Variants in EML6 observed in about 807,000 individuals in gnomAD.
EML6 encodes echinoderm microtubule-associated protein-like 6.
EML6 carries 154 observed loss-of-function variants against 240.1 expected under a neutral mutation model. That is an observed-to-expected ratio of 0.64 (90% CI 0.56 to 0.73). The LOEUF (loss-of-function observed/expected upper bound fraction) is 0.73. Ranked by LOEUF, EML6 falls within the 30% of genes least tolerant of loss-of-function variation. EML6 has a pLI of 0.00. For synonymous variants in EML6, 1,148 were observed against 899.0 expected, an observed-to-expected ratio of 1.28 and a Z score of -4.95; for missense variants, 2,964 against 2,474.6, an observed-to-expected ratio of 1.20 and a Z score of -4.20.
rs1670574242 is a variant in EML6, at chr2:54,859,683, C to G, written c.1807C>G (p.Leu603Val). The change falls in exon 12 of 42, where the codon CTG becomes GTG. Residue 603 changes from leucine to valine, a missense_variant. Coordinates refer to ENST00000356458, the MANE Select transcript of EML6 (RefSeq NM_001039753.4). ...TCCAGAAGGTGTCAGCAACGGCATG[C>G]TGGAAACTGCACCCCAAGGTAAACC... The part of the protein sequence containing the change: ...FIPEGVSNGM[L>V]ETAPQEGGAD... 6.5e-7 allele frequency: 1 copy of G among 1,541,344 alleles called. No individual in the cohort carries two copies. The highest frequency in any genetic ancestry group is 8.7e-7 in the Non-Finnish European group (1 of 1,144,336).
intron 28 of EML6, among the ~76,000 whole-genome samples, chr2:54,935,829 T>C (rs1675106779): frequency 6.6e-6 from 1 of 152,150 alleles, no homozygotes; most frequent in African/African-American, 2.4e-5. Context: ...GGAGTTTAGA[T>C]GAGCCTGGGC....
At position 54,927,266 on chromosome 2, in the gene EML6, C is replaced by G. The variant is rs142800264; in HGVS notation, c.3676-1047C>G. On this transcript the variant is annotated intron_variant, in intron 26 of 41. Transcript: ENST00000356458. ...AGTAGTTGGCCAAATACAGGGCGAT[C>G]TTGACTAGGAGTATTACAAAGTCAC... 5.3e-4 allele frequency among the ~76,000 whole-genome samples: 81 copies of G among 152,310 alleles called. 1 individual carries two copies. Among genetic ancestry groups the G allele is most frequent in the African/African-American group, 1.9e-3 (79 of 41,568 alleles).
intron 2 of EML6, among the ~76,000 whole-genome samples, chr2:54,727,560 CCCGGTTACTACTATT>C (rs1252811254): frequency 6.6e-6 from 1 of 152,150 alleles, no homozygotes; most frequent in African/African-American, 2.4e-5. Context: ...TTCTGTGTAT[CCCGGTTACTACTATT>C]CTTCCACCTG....
In EML6 at chr2:54,943,593, A is replaced by T. The variant is rs183379146; in HGVS notation, c.4005-5289A>T. On this transcript the variant is annotated intron_variant, in intron 28 of 41. Coordinates refer to ENST00000356458, the MANE Select transcript of EML6 (RefSeq NM_001039753.4). ...CCTCTGTCCCTGCCATTCTGCTGAC[A>T]TGGGGGCTCTTTAACCCCTGAGTCC... 1.3e-3 allele frequency among the ~76,000 whole-genome samples: 196 copies of T among 152,108 alleles called. 1 individual carries two copies. Among genetic ancestry groups the T allele is most frequent in the African/African-American group, 4.4e-3 (184 of 41,486 alleles).
chr2:54,787,545 G>C (rs1279548701), intron 2 of EML6, among the ~76,000 whole-genome samples: 1 of 152,166 alleles, frequency 6.6e-6, no homozygotes, highest in African/African-American at 2.4e-5. Flanking sequence ...GATTGTTCTT[G>C]AGCATTAAAT....
intron 28 of EML6, among the ~76,000 whole-genome samples, chr2:54,931,415 C>A (rs971118287): frequency 6.6e-6 from 1 of 152,062 alleles, no homozygotes; most frequent in African/African-American, 2.4e-5. Flanking sequence ...AAACAGGACC[C>A]ATGGACTCTA....
chr2:54,807,760 G>T (rs1670574741), intron 2 of EML6, among the ~76,000 whole-genome samples: 1 of 152,188 alleles, frequency 6.6e-6, no homozygotes, highest in South Asian at 2.1e-4. Context: ...TTATGTAATT[G>T]TAAATCAATA....
At chr2:54,817,816 A>C (rs1340975394) in intron 4 of EML6, among the ~76,000 whole-genome samples, 1 of 152,098 alleles carries the variant, frequency 6.6e-6, no homozygotes, top group African/African-American at 2.4e-5. Context: ...AAAAAAAAAA[A>C]AGTATGAATG....
intron 26 of EML6, among the ~76,000 whole-genome samples, chr2:54,917,358 G>GTTTTTTTTTTT (rs147785699): frequency 8.1e-5 from 10 of 123,820 alleles, no homozygotes; most frequent in Non-Finnish European, 1.1e-4. Flanking sequence ...TTTTTTTTTT[G>GTTTTTTTTTTT]TTTTTTTTTT....
intron 18 of EML6, 27 bp from the exon 19 acceptor site, chr2:54,892,427 G>A: frequency 6.6e-7 from 1 of 1,504,918 alleles, no homozygotes; most frequent in Non-Finnish European, 9.0e-7. Flanking sequence ...ATTTTATAAA[G>A]TAATAACTGT....
chr2:54,896,152 C>T (rs555105955), intron 21 of EML6, among the ~76,000 whole-genome samples: 1 of 152,278 alleles, frequency 6.6e-6, no homozygotes, highest in South Asian at 2.1e-4. Flanking sequence ...CTCCAAGGTC[C>T]CCAAGAGCCT....
intron 8 of EML6, among the ~76,000 whole-genome samples, chr2:54,844,905 T>A (rs1325136110): frequency 6.6e-6 from 1 of 152,220 alleles, no homozygotes; most frequent in Non-Finnish European, 1.5e-5. Flanking sequence ...CTTAAAGGTT[T>A]GGGATGAAGA....
At chr2:54,898,902 T>TA (rs963530895) in intron 21 of EML6, among the ~76,000 whole-genome samples, 50 of 152,190 alleles carry the variant, frequency 3.3e-4, no homozygotes, top group African/African-American at 7.7e-4. Flanking sequence ...GTGTTCGTTA[T>TA]AAAAAAATAC....
intron 13 of EML6, among the ~76,000 whole-genome samples, chr2:54,866,436 G>A (rs1670974691): frequency 6.6e-6 from 1 of 152,182 alleles, no homozygotes; most frequent in African/African-American, 2.4e-5. Flanking sequence ...GTCAGAATCA[G>A]TAAGAGATTT....
In EML6 at chr2:54,818,185, T is replaced by A. The variant is rs561989807; in HGVS notation, c.456+1300T>A. ...GTAGAAAACTAAAGTTACAAACAGT[T>A]TAAACCAGTAAAATCTCCTTACTTA... On this transcript the variant is annotated intron_variant, in intron 4 of 41. Coordinates refer to ENST00000356458, the MANE Select transcript of EML6 (RefSeq NM_001039753.4). 1.1e-3 allele frequency among the ~76,000 whole-genome samples: 163 copies of A among 152,246 alleles called. 1 individual carries two copies. The highest frequency in any genetic ancestry group is 3.7e-3 in the African/African-American group (154 of 41,582).
Position 54,778,951 on chromosome 2 carries a change from A to G in EML6, c.198-34281A>G, listed in dbSNP as rs112568339. 1.6e-3 allele frequency among the ~76,000 whole-genome samples: 246 copies of G among 152,044 alleles called. 2 individuals are homozygous for G. Among genetic ancestry groups the G allele is most frequent in the African/African-American group, 5.7e-3 (235 of 41,488 alleles). Reference sequence around the variant, plus strand: ...TGTTAAATTAATAAATATATCAAATATATAAAATAACTTTCCTTACACTCT... The same window carrying G: ...TGTTAAATTAATAAATATATCAAATGTATAAAATAACTTTCCTTACACTCT... On this transcript the variant is annotated intron_variant, in intron 2 of 41. Coordinates refer to ENST00000356458, the MANE Select transcript of EML6 (RefSeq NM_001039753.4).
In EML6 at chr2:54,934,541, C is replaced by CAT. The variant is rs564769225; in HGVS notation, c.4004+5801_4004+5802dup. On this transcript the variant is annotated intron_variant, in intron 28 of 41. Coordinates refer to ENST00000356458, the MANE Select transcript of EML6 (RefSeq NM_001039753.4). ...ATAGTATCAACTTAGAACATATATA[C>CAT]ATATATATATATTTATATTTATATT... is the stretch of plus-strand genomic sequence containing the variant. Among the ~76,000 whole-genome samples the CAT allele has an allele frequency of 1.6e-3, 243 of 151,794 alleles. 3 individuals carry two copies. Among genetic ancestry groups the CAT allele is most frequent in the African/African-American group, 5.3e-3 (218 of 41,388 alleles).
At chr2:54,849,341 T>C (rs1669945706) in intron 9 of EML6, among the ~76,000 whole-genome samples, 1 of 152,226 alleles carries the variant, frequency 6.6e-6, no homozygotes, top group African/African-American at 2.4e-5. Context: ...ACTCCACTGA[T>C]CTATCAAACG....
chr2:54,830,970 C>T (rs77405016), intron 7 of EML6, among the ~76,000 whole-genome samples: 9 of 152,182 alleles, frequency 5.9e-5, no homozygotes, highest in African/African-American at 1.2e-4. Context: ...ACAAGGAGAT[C>T]GAAGGCCTTA....
Sources: allele counts gnomAD v4.1 joint callset (sites outside exome capture counted in the v4.1 genomes callset), GRCh38; gene constraint gnomAD v4.1.1; transcripts MANE v1.5; gene names NCBI Gene and HGNC (gene_info 2026-07-23, HGNC 2026-07-21).